The following SEMA6C variants were observed in gnomAD, a reference collection of about 807,000 sequenced individuals.
SEMA6C encodes semaphorin-6C.
Under a neutral mutation model 72.9 loss-of-function variants are expected in SEMA6C, and 37 were observed. The observed-to-expected ratio is 0.51, with a 90% CI of 0.39 to 0.67. SEMA6C has a LOEUF of 0.67. Among genes scored for constraint, SEMA6C ranks in the 30% least tolerant of loss-of-function variants. The pLI is 0.00. For synonymous variants in SEMA6C, 578 were observed against 554.1 expected, an observed-to-expected ratio of 1.04 and a Z score of -0.61; for missense variants, 1,189 against 1,263.6, an observed-to-expected ratio of 0.94 and a Z score of 0.89.
At chr1:151,137,906 C>A in intron 9 of SEMA6C, 80 bp downstream of exon 9, 5 of 1,587,128 alleles carry the variant, frequency 3.2e-6, no homozygotes, top group Non-Finnish European at 4.3e-6. Flanking sequence ...ACTACCACAC[C>A]ATTTGCCTGC....
intron 7 of SEMA6C, 57 bp downstream of exon 7, chr1:151,138,573 T>C (rs587668419): frequency 1.7e-5 from 26 of 1,539,362 alleles, no homozygotes; most frequent in Middle Eastern, 1.7e-4. Flanking sequence ...ATCAAACCCA[T>C]TGCCCATCTT....
chr1:151,144,639 G>C (rs587640836), intron 1 of SEMA6C, among the ~76,000 whole-genome samples: 3 of 152,308 alleles, frequency 2.0e-5, no homozygotes, highest in African/African-American at 7.2e-5. Context: ...AGATGCAGGG[G>C]AAGGGGATGG....
At chr1:151,135,103 T>C in intron 15 of SEMA6C, 60 bp downstream of exon 15, 1 of 1,592,890 alleles carries the variant, frequency 6.3e-7, no homozygotes. Flanking sequence ...CCTGTGTTTC[T>C]GTGCTCTTGC....
chr1:151,139,707 G>T lies in SEMA6C; in HGVS notation c.234-6C>A. 2.5e-6 allele frequency: 4 copies of T among 1,597,790 alleles called. No individual in the cohort carries two copies. Among genetic ancestry groups the T allele is most frequent in the South Asian group, 1.1e-5 (1 of 89,342 alleles). ...CGAAGGAGAAAACGTGATCCCTGAGGGGGTAGGTAAGGAGGGGTCAGAGCC... is the reference window on the plus strand; with the variant it reads ...CGAAGGAGAAAACGTGATCCCTGAGTGGGTAGGTAAGGAGGGGTCAGAGCC... On this transcript the variant is annotated splice_polypyrimidine_tract_variant and splice_region_variant and intron_variant, in intron 4 of 18. Transcript: ENST00000368914.
chr1:151,132,221 G>GC lies in SEMA6C; in HGVS notation c.*262dup. 2 of 1,502,276 alleles carry GC rather than the reference G, an allele frequency of 1.3e-6. No homozygotes were observed. Among genetic ancestry groups the GC allele is most frequent in the African/African-American group, 2.8e-5 (2 of 72,564 alleles). The allele number at this position is 1,502,276 out of a possible 1,614,324, so 93.1% of individuals were successfully genotyped here. On this transcript the variant is annotated 3_prime_UTR_variant, in exon 19 of 19. Coordinates refer to ENST00000368914, the MANE Select transcript of SEMA6C (RefSeq NM_030913.6). ...GTTAAGGCAGCTTGGCTGGAAGGGAGCGGGGAGTGGGAGTCCGCCAGCTCC... is the reference window on the plus strand; with the variant it reads ...GTTAAGGCAGCTTGGCTGGAAGGGAGCCGGGGAGTGGGAGTCCGCCAGCTCC...
In SEMA6C at chr1:151,132,324, A is replaced by G. The variant is rs1268318932; in HGVS notation, c.*160T>C. On this transcript the variant is annotated 3_prime_UTR_variant, in exon 19 of 19. Transcript: ENST00000368914. ...GTCGAGGACAGGGGGAAAGACAGTC[A>G]ATAAATAAACCCGAGGCGAAAAGGG... 1 of 1,541,716 alleles carries G rather than the reference A, an allele frequency of 6.5e-7. No individual in the cohort carries two copies. Among genetic ancestry groups the G allele is most frequent in the East Asian group, 2.4e-5 (1 of 40,854 alleles).
chr1:151,140,820 C>T (rs1682472432), intron 3 of SEMA6C, among the ~76,000 whole-genome samples: 2 of 152,146 alleles, frequency 1.3e-5, no homozygotes, highest in Admixed American at 6.5e-5. Context: ...TGGTGAAACC[C>T]CATCTCTACT....
In SEMA6C at chr1:151,137,173, C is replaced by T. The variant is rs1572032008; in HGVS notation, c.757-99G>A. 6.9e-6 allele frequency: 7 copies of T among 1,008,190 alleles called. No individual in the cohort carries two copies. The East Asian group carries it at 7.3e-5, about 11-fold the overall frequency. 62.5% of individuals were successfully genotyped at this position (1,008,190 alleles called of 1,614,324 possible). A position where few individuals can be genotyped will look rare whatever the true frequency, so the allele number is the denominator to read the frequency against. On this transcript the variant is annotated intron_variant, in intron 10 of 18. Coordinates refer to ENST00000368914, the MANE Select transcript of SEMA6C (RefSeq NM_030913.6). ...GTTAAGAGCAGTAAGGGGCTGGGCG[C>T]GGTGGCTCACGCCTGTAATCCCAAC...
At position 151,139,459 on chromosome 1, in the gene SEMA6C, T is replaced by C. The variant is rs1682346363; in HGVS notation, c.320A>G (p.Asp107Gly). The change falls in exon 6 of 19, where the codon GAT becomes GGT. Residue 107 changes from aspartate (D) to glycine (G), a missense_variant. Transcript: ENST00000368914. ...TCCCCGTACAGCACAGTTCTCCACATCTTGGCTTCTCCATGTTAGATACTG... is the reference window on the plus strand; with the variant it reads ...TCCCCGTACAGCACAGTTCTCCACACCTTGGCTTCTCCATGTTAGATACTG... Reference protein sequence around the residue: ...PNKYLTWRSQDVENCAVRGKL... With the variant: ...PNKYLTWRSQGVENCAVRGKL... 9.3e-6 allele frequency: 15 copies of C among 1,614,148 alleles called. No individual in the cohort carries two copies. Among genetic ancestry groups the C allele is most frequent in the Non-Finnish European group, 1.2e-5 (14 of 1,179,990 alleles).
At chr1:151,136,827 T>C (rs1382189669) in intron 11 of SEMA6C, 30 bp downstream of exon 11, 3 of 1,588,280 alleles carry the variant, frequency 1.9e-6, no homozygotes, top group Non-Finnish European at 2.6e-6. Flanking sequence ...AGGGGACAGA[T>C]TGGGTCACAC....
At position 151,133,147 on chromosome 1, in the gene SEMA6C, C is replaced by T; in HGVS notation, c.2130G>A (p.Lys710=). The T allele has an allele frequency of 1.3e-6, 2 of 1,555,028 alleles. No individual in the cohort carries two copies. The highest frequency in any genetic ancestry group is 1.2e-5 in the South Asian group (1 of 84,174). Residue 710 remains lysine, a synonymous_variant, in exon 19 of 19, where the codon AAG becomes AAA. Transcript: ENST00000368914. The surrounding 1 kb of genome is among the most constrained non-coding windows in gnomAD (Gnocchi z 5.9). ...TPESTPELPV[K]HLRAAGDPWE... ...AGGGGTCCCCGGCGGCGCGGAGGTG[C>T]TTGACCGGCAGCTCCGGCGTGGACT...
In SEMA6C at chr1:151,135,179, G is replaced by A; in HGVS notation, c.1564C>T (p.His522Tyr). ...CCCTCTCACCTCTGACAGGCCCCAT[G>A]CCGGGCACACCGGCTGAGAGGGAGG... ...VYLPLSRCAR[H>Y]GACQRSCLAS... The change falls in exon 15 of 19, where the codon CAT becomes TAT. Residue 522 changes from histidine (H) to tyrosine (Y), a missense_variant. His to Tyr is a moderately conservative substitution (Grantham distance 83). Coordinates refer to ENST00000368914, the MANE Select transcript of SEMA6C (RefSeq NM_030913.6). 6.2e-7 allele frequency: 1 copy of A among 1,614,004 alleles called. No homozygotes were observed.
Position 151,139,707 on chromosome 1 carries a change from G to A in SEMA6C, c.234-6C>T. On this transcript the variant is annotated splice_polypyrimidine_tract_variant and splice_region_variant and intron_variant, in intron 4 of 18. Coordinates refer to ENST00000368914, the MANE Select transcript of SEMA6C (RefSeq NM_030913.6). ...CGAAGGAGAAAACGTGATCCCTGAG[G>A]GGGTAGGTAAGGAGGGGTCAGAGCC... is the stretch of plus-strand genomic sequence containing the variant. 2 of 1,597,790 alleles carry A rather than the reference G, an allele frequency of 1.3e-6. No individual in the cohort carries two copies. The highest frequency in any genetic ancestry group is 1.7e-6 in the Non-Finnish European group (2 of 1,169,226).
intron 3 of SEMA6C, among the ~76,000 whole-genome samples, chr1:151,141,187 G>C (rs1490684051): frequency 7.3e-6 from 1 of 136,380 alleles, no homozygotes; most frequent in Non-Finnish European, 1.6e-5. Flanking sequence ...GAAAAAGTGG[G>C]TTTATGCTTT....
rs1276998301 is a variant in SEMA6C at position 151,133,684 on chromosome 1, C to G, written c.1760-167G>C. Among the ~76,000 whole-genome samples, 1 of 152,214 alleles carries G rather than the reference C, an allele frequency of 6.6e-6. No individual in the cohort carries two copies. Among genetic ancestry groups the G allele is most frequent in the African/African-American group, 2.4e-5 (1 of 41,468 alleles). ...TCCTCAGGATTCACCTCTCCTGACT[C>G]CTCAGCATACAGCCCACGCACTACC... On this transcript the variant is annotated intron_variant, in intron 18 of 18. Coordinates refer to ENST00000368914, the MANE Select transcript of SEMA6C (RefSeq NM_030913.6). This position sits in a 1 kb window ranked among gnomAD's most constrained non-coding sequence, Gnocchi z 5.9.
chr1:151,135,569 G>A, intron 14 of SEMA6C, 22 bp downstream of exon 14: 2 of 1,600,184 alleles, frequency 1.2e-6, no homozygotes, highest in Non-Finnish European at 1.7e-6. Context: ...TTTGCAGGGG[G>A]CCTGCCCTCC....
At chr1:151,137,933 C>T (rs1477484698) in intron 9 of SEMA6C, 53 bp downstream of exon 9, 8 of 1,599,000 alleles carry the variant, frequency 5.0e-6, no homozygotes, top group Non-Finnish European at 6.8e-6. Flanking sequence ...CCACAGTCCT[C>T]CCTCTGTGCC....
rs1428169160 is a variant in SEMA6C at position 151,133,345 on chromosome 1, C to T, written c.1932G>A (p.Gly644=). ...TGCGGAGGGAGAGAGGGCGCGGGAG[C>T]CCCGGAGTCTCGATGTCCTTGCCCC... The part of the protein sequence containing the change: ...RRRGKDIETP[G]LPRPLSLRSL... The change falls in exon 19 of 19, where the codon GGG becomes GGA. Residue 644 remains glycine, a synonymous_variant. Transcript: ENST00000368914. This position sits in a 1 kb window ranked among gnomAD's most constrained non-coding sequence, Gnocchi z 5.9. 6.3e-7 allele frequency: 1 copy of T among 1,597,772 alleles called. No homozygotes were observed. The highest frequency in any genetic ancestry group is 8.5e-7 in the Non-Finnish European group (1 of 1,174,544).
chr1:151,132,273 A>ACGGGCTTCTCACCTCC lies in SEMA6C; in HGVS notation c.*195_*210dup, dbSNP rs1558173710. 2.0e-6 allele frequency: 3 copies of ACGGGCTTCTCACCTCC among 1,530,176 alleles called. No homozygotes were observed. Among genetic ancestry groups the ACGGGCTTCTCACCTCC allele is most frequent in the Non-Finnish European group, 2.6e-6 (3 of 1,143,340 alleles). The allele number at this position is 1,530,176 out of a possible 1,614,324, so 94.8% of individuals were successfully genotyped here. On this transcript the variant is annotated 3_prime_UTR_variant, in exon 19 of 19. Coordinates refer to ENST00000368914, the MANE Select transcript of SEMA6C (RefSeq NM_030913.6). The stretch of plus-strand genomic sequence containing the variant: ...CCTGAAATGCTGGCTCACTGAGGAG[A>ACGGGCTTCTCACCTCC]CGGGCTTCTCACCTCCCACTCTTCT...
Sources: allele counts gnomAD v4.1 joint callset (sites outside exome capture counted in the v4.1 genomes callset), GRCh38; gene constraint gnomAD v4.1.1; non-coding constraint Gnocchi (gnomAD v3.1); transcripts MANE v1.5; gene names NCBI Gene and HGNC (gene_info 2026-07-23, HGNC 2026-07-21).